Variants in KCNT1 observed in about 807,000 individuals in gnomAD.
The protein encoded by KCNT1 is potassium sodium-activated channel subfamily T member 1.
In KCNT1, 78 loss-of-function variants were observed where a neutral mutation model predicts 147.8. That is an observed-to-expected ratio of 0.53 (90% CI 0.44 to 0.64). KCNT1 has a LOEUF of 0.64. KCNT1 is among the 30% of genes least tolerant of loss of function. The pLI is 0.00. For missense variants in KCNT1, 1,419 were observed against 1,750.3 expected, an observed-to-expected ratio of 0.81 and a Z score of 3.38; for synonymous variants, 867 against 748.8, an observed-to-expected ratio of 1.16 and a Z score of -2.58.
At position 135,786,250 on chromosome 9, in the gene KCNT1, G is replaced by T. The variant is rs375957383; in HGVS notation, c.3231G>T (p.Gly1077=). ...GTGAGGACACACGGGAAGTGAAGGG[G>T]CCCTGGGGCTCCCGCGCTGGCACCG... ...EDCEDTREVK[G]PWGSRAGTGG... Residue 1077 remains glycine (G), a synonymous_variant, in exon 29 of 31, where the codon GGG becomes GGT. Coordinates refer to ENST00000371757, the MANE Select transcript of KCNT1 (RefSeq NM_020822.3). 1.2e-6 allele frequency: 2 copies of T among 1,611,486 alleles called. No homozygotes were observed. Among genetic ancestry groups the T allele is most frequent in the African/African-American group, 1.3e-5 (1 of 74,984 alleles).
Position 135,730,990 on chromosome 9 carries a change from TAAAAAAAA to T in KCNT1, c.254+16286_254+16293del, listed in dbSNP as rs56307359. Among the ~76,000 whole-genome samples the T allele has an allele frequency of 2.3e-5, 2 of 85,594 alleles. No homozygotes were observed. The highest frequency in any genetic ancestry group is 4.5e-5 in the African/African-American group (1 of 22,048). The allele number at this position is 85,594 out of a possible 152,430, so 56.2% of individuals were successfully genotyped here. On this transcript the variant is annotated intron_variant, in intron 2 of 30. Coordinates refer to ENST00000371757, the MANE Select transcript of KCNT1 (RefSeq NM_020822.3). The surrounding 1 kb of genome is among the most constrained non-coding windows in gnomAD (Gnocchi z 4.7). ...AACAAAGTGAGATCCCGTCTCAAGG[TAAAAAAAA>T]AAAAAAAAAAAAAAAGTGTGGTTTA...
Position 135,772,858 on chromosome 9 carries a change from G to A in KCNT1, c.2152G>A (p.Asp718Asn), listed in dbSNP as rs777958749. ...PSIAPVLELA[D>N]SSALLPCDLL... The stretch of plus-strand genomic sequence containing the variant: ...CATCGCGCCCGTCCTGGAACTGGCC[G>A]ACAGCTCAGCCCTGCTGCCCTGCGA... Residue 718 changes from aspartate to asparagine, a missense_variant, in exon 19 of 31, where the codon GAC (aspartate) becomes AAC (asparagine). This residue lies in a region of KCNT1 where 284 missense variants were observed against 292.8 expected (regional missense o/e 0.97). Coordinates refer to ENST00000371757, the MANE Select transcript of KCNT1 (RefSeq NM_020822.3). 3.7e-5 allele frequency: 58 copies of A among 1,549,046 alleles called. No individual in the cohort carries two copies. The highest frequency in any genetic ancestry group is 5.9e-5 in the Admixed American group (3 of 50,748).
chr9:135,779,620 A>C (rs1833461487), intron 24 of KCNT1, 150 bp downstream of exon 24: 1 of 640,410 alleles, frequency 1.6e-6, no homozygotes, highest in Non-Finnish European at 2.8e-6. Flanking sequence ...TGGGGGGCCC[A>C]GCATGGACAG....
At position 135,738,837 on chromosome 9, in the gene KCNT1, C is replaced by G. The variant is rs575772427; in HGVS notation, c.255-11261C>G. ...CGGGGTCTCCTCCTTCCTTCTCACTCCCCTGTGTGAGGCTGGGGAGGGATT... is the reference window on the plus strand; with the variant it reads ...CGGGGTCTCCTCCTTCCTTCTCACTGCCCTGTGTGAGGCTGGGGAGGGATT... On this transcript the variant is annotated intron_variant, in intron 2 of 30. Transcript: ENST00000371757. 1.2e-4 allele frequency among the ~76,000 whole-genome samples: 19 copies of G among 152,302 alleles called. 1 individual carries two copies. The highest frequency in any genetic ancestry group is 1.2e-3 in the Admixed American group (18 of 15,290).
intron 1 of KCNT1, 139 bp downstream of exon 1, chr9:135,702,507 T>C: frequency 1.4e-6 from 1 of 707,080 alleles, no homozygotes; most frequent in South Asian, 1.7e-5. Flanking sequence ...GCGAGTGCCC[T>C]CCCAACCACC....
chr9:135,703,894 C>G (rs1835137343), intron 1 of KCNT1, among the ~76,000 whole-genome samples: 1 of 152,260 alleles, frequency 6.6e-6, no homozygotes, highest in Non-Finnish European at 1.5e-5. Flanking sequence ...CTCCTCCTCC[C>G]CGCTGGACTG....
rs117781158 is a variant in KCNT1, at chr9:135,728,460, G to A, written c.254+13740G>A. On this transcript the variant is annotated intron_variant, in intron 2 of 30. Transcript: ENST00000371757. ...AGTGAGACCCCCACAGCCTCACTGC[G>A]GATGTAACAGCCACCCACGGCCTGC... 3.3e-4 allele frequency among the ~76,000 whole-genome samples: 51 copies of A among 152,338 alleles called. No homozygotes were observed. The East Asian group carries it at 3.7e-3, about 11-fold the overall frequency.
chr9:135,763,631 AAACCTC>A (rs1162160928), intron 11 of KCNT1, among the ~76,000 whole-genome samples: 3 of 152,162 alleles, frequency 2.0e-5, no homozygotes, highest in African/African-American at 7.2e-5. Flanking sequence ...GTGGCTGTAG[AAACCTC>A]AGCCTCTGCC....
At chr9:135,786,555 G>A in intron 29 of KCNT1, 34 bp downstream of exon 29, 1 of 1,529,560 alleles carries the variant, frequency 6.5e-7, no homozygotes. Flanking sequence ...GGGCCGGACG[G>A]ACGGACTGGG....
intron 2 of KCNT1, among the ~76,000 whole-genome samples, chr9:135,729,897 T>A (rs368991945): frequency 1.4e-3 from 207 of 152,314 alleles, no homozygotes; most frequent in African/African-American, 4.7e-3. Context: ...GGGCAGGTAC[T>A]TCCCCCTGGT....
intron 2 of KCNT1, among the ~76,000 whole-genome samples, chr9:135,732,020 A>AGAGAGAGAGAGAGAGAGAGAGG (rs1564328254): frequency 1.3e-4 from 16 of 126,302 alleles, no homozygotes; most frequent in African/African-American, 4.3e-4. Context: ...AGAGAGAGAG[A>AGAGAGAGAGAGAGAGAGAGAGG]GAGAGAGAGA....
chr9:135,718,015 C>T (rs952169373), intron 2 of KCNT1, among the ~76,000 whole-genome samples: 10 of 152,326 alleles, frequency 6.6e-5, no homozygotes, highest in Admixed American at 2.6e-4. Flanking sequence ...CATAAGGACA[C>T]GCACGTGGGG....
At chr9:135,774,738 G>T (rs1833036885) in intron 19 of KCNT1, among the ~76,000 whole-genome samples, 1 of 152,166 alleles carries the variant, frequency 6.6e-6, no homozygotes, top group Non-Finnish European at 1.5e-5. Context: ...TGTTGTGTGT[G>T]TGTCCGGGTG....
Position 135,770,751 on chromosome 9 carries a change from A to T in KCNT1, c.1770-106A>T, listed in dbSNP as rs577850574. ...ACCCCAAATGGCCCCCAGGAGGAAGACGCGGAGCTCCGGTGGGGACTCTGG... is the reference window on the plus strand; with the variant it reads ...ACCCCAAATGGCCCCCAGGAGGAAGTCGCGGAGCTCCGGTGGGGACTCTGG... On this transcript the variant is annotated intron_variant, in intron 17 of 30. Transcript: ENST00000371757. The T allele has an allele frequency of 2.9e-5, 32 of 1,117,718 alleles. No individual in the cohort carries two copies. In the African/African-American group the frequency reaches 4.5e-4, roughly 16 times the overall value. 69.2% of individuals were successfully genotyped at this position (1,117,718 alleles called of 1,614,324 possible). A position where few individuals can be genotyped will look rare whatever the true frequency, so the allele number is the denominator to read the frequency against.
intron 2 of KCNT1, among the ~76,000 whole-genome samples, chr9:135,723,869 C>A (rs989681227): frequency 5.9e-5 from 9 of 152,218 alleles, no homozygotes; most frequent in African/African-American, 2.2e-4. Flanking sequence ...CTTGAACACC[C>A]CCTCCTCCAT....
In KCNT1 at chr9:135,714,973, G is replaced by A. The variant is rs938495552; in HGVS notation, c.254+253G>A. 2.4e-4 allele frequency among the ~76,000 whole-genome samples: 36 copies of A among 152,350 alleles called. No homozygotes were observed. In the East Asian group the frequency reaches 5.0e-3, roughly 21 times the overall value. On this transcript the variant is annotated intron_variant, in intron 2 of 30. Transcript: ENST00000371757. The surrounding 1 kb of genome is among the most constrained non-coding windows in gnomAD (Gnocchi z 6.2). ...CGGAGTCTTCCAGAGCCCGACTTGG[G>A]GCGCGGAGGCGGAGGGCGGCCTGGC... is the stretch of plus-strand genomic sequence containing the variant.
intron 2 of KCNT1, among the ~76,000 whole-genome samples, chr9:135,716,059 C>T (rs1048084816): frequency 1.3e-5 from 2 of 152,222 alleles, no homozygotes; most frequent in Non-Finnish European, 2.9e-5. Flanking sequence ...AGGCTGGTCC[C>T]AGGGCGGCGT....
chr9:135,771,640 C>G (rs1479973820), intron 18 of KCNT1, among the ~76,000 whole-genome samples: 1 of 152,224 alleles, frequency 6.6e-6, no homozygotes, highest in African/African-American at 2.4e-5. Flanking sequence ...GTCGCAGTGG[C>G]CGAGGGCTTT....
At chr9:135,750,412 C>T (rs755580373) in intron 3 of KCNT1, 230 of 573,412 alleles carry the variant, frequency 4.0e-4, no homozygotes, top group Non-Finnish European at 6.2e-4. Flanking sequence ...GCCTCTGCAG[C>T]GGGACTCGTG....
Sources: gnomAD v4.1 joint callset for allele counts (sites outside exome capture counted in the v4.1 genomes callset) on GRCh38, gnomAD v4.1.1 for gene constraint, gnomAD v4.1.1 regional missense constraint, Gnocchi (gnomAD v3.1) non-coding constraint, MANE v1.5 for transcripts, NCBI Gene and HGNC (gene_info 2026-07-23, HGNC 2026-07-21) for gene names.